CASR: variants seen among roughly 807,000 people sequenced by gnomAD.
CASR encodes the protein calcium sensing receptor.
In CASR, 23 loss-of-function variants were observed where a neutral mutation model predicts 69.1. That is an observed-to-expected ratio of 0.33 (90% CI 0.24 to 0.47). CASR has a LOEUF of 0.47. CASR is among the 20% of genes least tolerant of loss of function. CASR has a pLI of 1.00. For synonymous variants in CASR, 541 were observed against 544.7 expected, an observed-to-expected ratio of 0.99 and a Z score of 0.10; for missense variants, 924 against 1,356.1, an observed-to-expected ratio of 0.68 and a Z score of 5.00.
At chr3:122,235,081 T>C (rs1339336596) in intron 1 of CASR, among the ~76,000 whole-genome samples, 5 of 152,206 alleles carry the variant, frequency 3.3e-5, no homozygotes, top group Admixed American at 6.5e-5. Flanking sequence ...TGGACACTTC[T>C]AACAGTCACA....
At chr3:122,213,235 C>A (rs2074085928) in intron 1 of CASR, among the ~76,000 whole-genome samples, 1 of 152,152 alleles carries the variant, frequency 6.6e-6, no homozygotes, top group Admixed American at 6.5e-5. Flanking sequence ...GGAAGAAGGA[C>A]ATTTTTCTCG....
chr3:122,221,508 A>G (rs907778329), intron 1 of CASR, among the ~76,000 whole-genome samples: 20 of 152,220 alleles, frequency 1.3e-4, no homozygotes, highest in Non-Finnish European at 4.4e-5. Context: ...AATATGAAAA[A>G]ATGAAACTGA....
chr3:122,254,399 A>G (rs759033373), intron 2 of CASR, 25 bp downstream of exon 2: 1 of 1,606,914 alleles, frequency 6.2e-7, no homozygotes, highest in Admixed American at 1.7e-5. Flanking sequence ...CTAATCTGCC[A>G]ATCTCTTCTC....
At chr3:122,226,464 A>G (rs1260052876) in intron 1 of CASR, among the ~76,000 whole-genome samples, 3 of 152,134 alleles carry the variant, frequency 2.0e-5, no homozygotes, top group Non-Finnish European at 4.4e-5. Context: ...GCAAAGAGCA[A>G]AAGAACAAAG....
At chr3:122,214,970 A>G (rs1199581155) in intron 1 of CASR, among the ~76,000 whole-genome samples, 3 of 152,238 alleles carry the variant, frequency 2.0e-5, no homozygotes, top group Non-Finnish European at 4.4e-5. Context: ...CCACACATTC[A>G]AGGGACTTAA....
intron 1 of CASR, among the ~76,000 whole-genome samples, chr3:122,210,901 T>A (rs2074059084): frequency 6.6e-6 from 1 of 152,118 alleles, no homozygotes; most frequent in Non-Finnish European, 1.5e-5. Flanking sequence ...CGTAGACCAA[T>A]GGAACAGAAT....
At chr3:122,251,384 A>G (rs7625243) in intron 1 of CASR, among the ~76,000 whole-genome samples, 25,378 of 152,104 alleles carry the variant, frequency 0.17, 2,203 homozygotes, top group Non-Finnish European at 0.18. Flanking sequence ...AGCCTTGCAA[A>G]TTGCTTACTG....
chr3:122,276,065 C>T, intron 5 of CASR, 23 bp downstream of exon 5: 1 of 1,443,472 alleles, frequency 6.9e-7, no homozygotes, highest in Non-Finnish European at 9.8e-7. Context: ...CATCAGAAAA[C>T]CAGATGTCTC....
chr3:122,183,969 A>C (rs150974836), intron 1 of CASR, among the ~76,000 whole-genome samples, 157 bp downstream of exon 1: 1 of 152,258 alleles, frequency 6.6e-6, no homozygotes, highest in African/African-American at 2.4e-5. Context: ...GGGTCAGGGA[A>C]GAGGACAGCG....
chr3:122,272,091 G>GTACACACA (rs55688288), intron 4 of CASR, among the ~76,000 whole-genome samples: 17,895 of 148,768 alleles, frequency 0.12, 1,171 homozygotes, highest in Non-Finnish European at 0.15. Context: ...TCCTAGGAAT[G>GTACACACA]CACACACACA....
At chr3:122,199,354 A>G (rs1056711298) in intron 1 of CASR, among the ~76,000 whole-genome samples, 1 of 152,200 alleles carries the variant, frequency 6.6e-6, no homozygotes, top group Non-Finnish European at 1.5e-5. Context: ...ATTTTATCCT[A>G]AGGTAGCTTC....
intron 1 of CASR, among the ~76,000 whole-genome samples, chr3:122,206,292 C>T (rs968621858): frequency 4.0e-5 from 6 of 150,496 alleles, no homozygotes; most frequent in Admixed American, 2.0e-4. Context: ...CATAAAGATA[C>T]GTTGAATTTT....
chr3:122,229,088 T>G lies in CASR; in HGVS notation c.-242-24860T>G, dbSNP rs1240890637. Among the ~76,000 whole-genome samples, 4 of 152,258 alleles carry G rather than the reference T, an allele frequency of 2.6e-5. No individual in the cohort carries two copies. In the East Asian group the frequency reaches 5.8e-4, roughly 22 times the overall value. ...TATGTGCCGTTAAGTCACTTCAAGA[T>G]GGAAAACTCCCTGATTAAACTTAAG... On this transcript the variant is annotated intron_variant, in intron 1 of 6. Transcript: ENST00000639785.
intron 5 of CASR, among the ~76,000 whole-genome samples, chr3:122,279,284 T>C (rs1442867125): frequency 6.6e-6 from 1 of 152,188 alleles, no homozygotes; most frequent in Non-Finnish European, 1.5e-5. Context: ...TTCAGTCTTG[T>C]TGGGAGTTAT....
intron 1 of CASR, among the ~76,000 whole-genome samples, chr3:122,250,967 T>A (rs911457180): frequency 7.9e-5 from 12 of 152,154 alleles, no homozygotes; most frequent in Admixed American, 2.6e-4. Context: ...CCAGCACATG[T>A]ACTTATTAAA....
At chr3:122,214,568 A>G (rs530046813) in intron 1 of CASR, among the ~76,000 whole-genome samples, 1 of 152,346 alleles carries the variant, frequency 6.6e-6, no homozygotes, top group African/African-American at 2.4e-5. Flanking sequence ...TTAATGCCAC[A>G]TTCTGAACAT....
intron 1 of CASR, among the ~76,000 whole-genome samples, chr3:122,228,103 A>C (rs1464588302): frequency 6.6e-6 from 1 of 152,154 alleles, no homozygotes; most frequent in Non-Finnish European, 1.5e-5. Flanking sequence ...GTTCCAGCTG[A>C]AGCTTTGCCA....
At chr3:122,260,723 T>C (rs1324522994) in intron 3 of CASR, among the ~76,000 whole-genome samples, 10 of 151,268 alleles carry the variant, frequency 6.6e-5, no homozygotes, top group Non-Finnish European at 1.3e-4. Flanking sequence ...GGCCATAAAA[T>C]CAATCCAACA....
At chr3:122,192,346 T>C (rs1015443278) in intron 1 of CASR, among the ~76,000 whole-genome samples, 6 of 152,218 alleles carry the variant, frequency 3.9e-5, no homozygotes, top group Non-Finnish European at 7.3e-5. Flanking sequence ...AGGGCTGTTA[T>C]GTGGCTTAAA....
Sources: allele counts gnomAD v4.1 joint callset (sites outside exome capture counted in the v4.1 genomes callset), GRCh38; gene constraint gnomAD v4.1.1; transcripts MANE v1.5; gene names NCBI Gene and HGNC (gene_info 2026-07-23, HGNC 2026-07-21).